LIMCH1: variants seen among roughly 807,000 people sequenced by gnomAD.
LIMCH1 encodes LIM and calponin homology domains 1.
In LIMCH1, 113 loss-of-function variants were observed where a neutral mutation model predicts 176.5. The observed-to-expected ratio is 0.64, with a 90% CI of 0.55 to 0.75. The LOEUF is 0.75. LIMCH1 is among the 30% of genes least tolerant of loss of function. The pLI, the probability that LIMCH1 is intolerant of heterozygous loss-of-function variation, is 0.00. For missense variants in LIMCH1, 1,674 were observed against 1,814.9 expected, an observed-to-expected ratio of 0.92 and a Z score of 1.41; for synonymous variants, 619 against 645.9, an observed-to-expected ratio of 0.96 and a Z score of 0.63.
intron 1 of LIMCH1, among the ~76,000 whole-genome samples, chr4:41,443,506 CA>C (rs2062937851): frequency 6.6e-6 from 1 of 152,150 alleles, no homozygotes; most frequent in East Asian, 1.9e-4. Flanking sequence ...GATTATTATC[CA>C]ATGAAACCAT....
intron 3 of LIMCH1, among the ~76,000 whole-genome samples, chr4:41,528,678 A>G (rs1321868108): frequency 5.3e-5 from 8 of 152,204 alleles, no homozygotes; most frequent in Non-Finnish European, 1.5e-5. Context: ...AAGTGTGGCC[A>G]GAGGGTTTTC....
chr4:41,631,320 T>C lies in LIMCH1; in HGVS notation c.1444T>C (p.Trp482Arg), dbSNP rs1415923916. Reference protein sequence around the residue: ...GPVTELDQQKWKRLSIGKAGP... With the variant: ...GPVTELDQQKRKRLSIGKAGP... The stretch of plus-strand genomic sequence containing the variant: ...AGTGACGGAGCTAGATCAGCAGAAA[T>C]GGAAGCGGCTTAGCATTGGCAAGGC... The change falls in exon 10 of 32, where the codon TGG becomes CGG. Residue 482 changes from tryptophan to arginine, a missense_variant. Around this residue, in one of 3 missense-constraint regions of LIMCH1, gnomAD observed 655 missense variants for 692.2 expected, o/e 0.95. Coordinates refer to ENST00000503057, the MANE Select transcript of LIMCH1 (RefSeq NM_001330672.2). 2.0e-6 allele frequency: 3 copies of C among 1,535,954 alleles called. No individual in the cohort carries two copies. The highest frequency in any genetic ancestry group is 1.4e-5 in the African/African-American group (1 of 73,014).
chr4:41,467,156 T>TACACACACAC (rs764604409), intron 1 of LIMCH1, among the ~76,000 whole-genome samples: 2 of 100,242 alleles, frequency 2.0e-5, no homozygotes, highest in African/African-American at 5.4e-5. Context: ...TGTATGTATA[T>TACACACACAC]ATACACACAC....
intron 18 of LIMCH1, among the ~76,000 whole-genome samples, chr4:41,654,014 G>A (rs923751898): frequency 6.6e-6 from 1 of 152,168 alleles, no homozygotes; most frequent in African/African-American, 2.4e-5. Flanking sequence ...ATGAATTAAG[G>A]ACCTACCCTA....
intron 23 of LIMCH1, 71 bp downstream of exon 23, chr4:41,676,533 C>A: frequency 1.8e-6 from 2 of 1,081,820 alleles, no homozygotes; most frequent in Admixed American, 3.7e-5. Context: ...ATTAAATAGA[C>A]TTTTAGCACA....
At chr4:41,527,834 A>C (rs1338556645) in intron 3 of LIMCH1, among the ~76,000 whole-genome samples, 7 of 150,914 alleles carry the variant, frequency 4.6e-5, no homozygotes, top group South Asian at 2.1e-4. Context: ...AAAAAAAAAA[A>C]AAAAAAAAAA....
chr4:41,560,935 T>G (rs952435451), intron 1 of LIMCH1, among the ~76,000 whole-genome samples: 4 of 151,640 alleles, frequency 2.6e-5, no homozygotes, highest in African/African-American at 7.3e-5. Flanking sequence ...GAGGATCACT[T>G]TAGTCCAGGA....
intron 1 of LIMCH1, among the ~76,000 whole-genome samples, chr4:41,569,149 T>C (rs908525504): frequency 6.6e-6 from 1 of 152,200 alleles, no homozygotes; most frequent in African/African-American, 2.4e-5. Flanking sequence ...TGATAAATAA[T>C]GCTGCGTGAC....
chr4:41,656,686 G>A (rs112133940), intron 18 of LIMCH1, among the ~76,000 whole-genome samples: 2,101 of 152,102 alleles, frequency 0.014, 33 homozygotes, highest in African/African-American at 0.036. Flanking sequence ...GTCTGGCACC[G>A]CAGTGCCAGA....
chr4:41,622,021 T>C (rs572297239), intron 7 of LIMCH1, among the ~76,000 whole-genome samples: 1 of 152,282 alleles, frequency 6.6e-6, no homozygotes, highest in Admixed American at 6.5e-5. Context: ...TTGTCTGTGG[T>C]ATATTACAGA....
At chr4:41,642,349 C>T (rs892671580) in intron 14 of LIMCH1, among the ~76,000 whole-genome samples, 8 of 151,352 alleles carry the variant, frequency 5.3e-5, no homozygotes, top group South Asian at 2.1e-4. Flanking sequence ...AAGAATGGGA[C>T]GAATTTTTGT....
intron 1 of LIMCH1, among the ~76,000 whole-genome samples, chr4:41,575,964 A>C (rs893448525): frequency 1.3e-5 from 2 of 152,232 alleles, no homozygotes; most frequent in African/African-American, 4.8e-5. Flanking sequence ...GCAGGTTTCT[A>C]TCAGCCATTT....
Position 41,614,571 on chromosome 4 carries a change from T to C in LIMCH1, c.205+910T>C, listed in dbSNP as rs2091854908. ...ACTCTGAGATCCGAATTATCTTTTGTAGCTAAAAGATCCCTTCCAGCTATA... is the reference window on the plus strand; with the variant it reads ...ACTCTGAGATCCGAATTATCTTTTGCAGCTAAAAGATCCCTTCCAGCTATA... On this transcript the variant is annotated intron_variant, in intron 5 of 31. Transcript: ENST00000503057. Among the ~76,000 whole-genome samples the C allele has an allele frequency of 2.0e-5, 3 of 152,228 alleles. No individual in the cohort carries two copies. The South Asian group carries it at 6.2e-4, about 32-fold the overall frequency.
At chr4:41,592,264 G>T (rs1163713940) in intron 1 of LIMCH1, among the ~76,000 whole-genome samples, 2 of 152,188 alleles carry the variant, frequency 1.3e-5, no homozygotes, top group African/African-American at 4.8e-5. Context: ...TACTTTGGAT[G>T]AAATAAGCTT....
At chr4:41,661,030 C>T (rs915976281) in intron 18 of LIMCH1, among the ~76,000 whole-genome samples, 1 of 152,144 alleles carries the variant, frequency 6.6e-6, no homozygotes, top group African/African-American at 2.4e-5. Context: ...CCAAGACAGG[C>T]CACTGAGAAG....
At position 41,646,798 on chromosome 4, in the gene LIMCH1, C is replaced by T. The variant is rs2094080051; in HGVS notation, c.2725C>T (p.Pro909Ser). 1 of 1,614,182 alleles carries T rather than the reference C, an allele frequency of 6.2e-7. No individual in the cohort carries two copies. The highest frequency in any genetic ancestry group is 8.5e-7 in the Non-Finnish European group (1 of 1,180,016). The change falls in exon 17 of 32, where the codon CCA (proline) becomes TCA (serine). Residue 909 changes from proline to serine, a missense_variant. This residue lies in a region of LIMCH1 where 1,015 missense variants were observed against 1,102.5 expected (regional missense o/e 0.92). Coordinates refer to ENST00000503057, the MANE Select transcript of LIMCH1 (RefSeq NM_001330672.2). ...DTSMSAGSGS[P>S]SKTVTPKAVP... ...CAGCATGTCAGCAGGCAGTGGGTCTCCAAGCAAAACTGTCACTCCCAAAGC... is the reference window on the plus strand; with the variant it reads ...CAGCATGTCAGCAGGCAGTGGGTCTTCAAGCAAAACTGTCACTCCCAAAGC...
At chr4:41,419,701 T>TTCC (rs1370348801) in intron 1 of LIMCH1, among the ~76,000 whole-genome samples, 5 of 97,470 alleles carry the variant, frequency 5.1e-5, no homozygotes, top group South Asian at 4.0e-4. Context: ...CCTTCCTTCC[T>TTCC]TCCTTCCTTC....
At chr4:41,509,304 G>T (rs2074551131) in intron 2 of LIMCH1, among the ~76,000 whole-genome samples, 1 of 152,172 alleles carries the variant, frequency 6.6e-6, no homozygotes, top group Admixed American at 6.5e-5. Context: ...CCCCTCTTCT[G>T]TAGATGATTA....
At chr4:41,486,846 A>G (rs1338138987) in intron 1 of LIMCH1, among the ~76,000 whole-genome samples, 1 of 149,706 alleles carries the variant, frequency 6.7e-6, no homozygotes, top group Non-Finnish European at 1.5e-5. Flanking sequence ...CAGTGGTGTG[A>G]TCTCGGCTCA....
Sources: allele counts gnomAD v4.1 joint callset (sites outside exome capture counted in the v4.1 genomes callset), GRCh38; gene constraint gnomAD v4.1.1; regional missense constraint gnomAD v4.1.1; transcripts MANE v1.5; gene names NCBI Gene and HGNC (gene_info 2026-07-23, HGNC 2026-07-21).